STARD4: variants seen among roughly 807,000 people sequenced by gnomAD.
The protein encoded by STARD4 is stAR-related lipid transfer protein 4.
Under a neutral mutation model 24.9 loss-of-function variants are expected in STARD4, and 33 were observed. The ratio of observed to expected loss-of-function variants is 1.32; its 90% CI spans 1.00 to 1.77. The LOEUF (loss-of-function observed/expected upper bound fraction) is 1.77. Among genes scored for constraint, STARD4 ranks in the 40% most tolerant of loss-of-function variants. STARD4 has a pLI of 0.00. For synonymous variants in STARD4, 88 were observed against 77.4 expected (o/e 1.14, Z -0.72); for missense variants, 238 against 249.3 (o/e 0.95, Z 0.31).
chr5:111,503,928 C>G (rs1756654419), intron 3 of STARD4, among the ~76,000 whole-genome samples: 1 of 151,866 alleles, frequency 6.6e-6, no homozygotes, highest in Non-Finnish European at 1.5e-5. Flanking sequence ...AAAGAAAATC[C>G]AAAGAAAAGA....
rs1756206115 is a variant in STARD4 at position 111,498,308 on chromosome 5, AAG to A, written c.*1576_*1577del. ...TTGGAGGTATATGTTGATAAGGACAAAGAGAGCACTAGAGTAGAGATAGTGGG... is the reference window on the plus strand; with the variant it reads ...TTGGAGGTATATGTTGATAAGGACAAAGAGCACTAGAGTAGAGATAGTGGG... On this transcript the variant is annotated 3_prime_UTR_variant, in exon 6 of 6. Transcript: ENST00000296632. 1 of 151,978 alleles carries A rather than the reference AAG, an allele frequency of 6.6e-6. No individual in the cohort carries two copies. Among genetic ancestry groups the A allele is most frequent in the African/African-American group, 2.4e-5 (1 of 41,410 alleles). The allele number at this position is 151,978 out of a possible 1,614,324, so 9.4% of individuals were successfully genotyped here.
intron 3 of STARD4, 118 bp from the exon 4 acceptor site, chr5:111,502,206 T>A: frequency 1.7e-6 from 2 of 1,193,372 alleles, no homozygotes; most frequent in Non-Finnish European, 2.3e-6. Flanking sequence ...GGGTGGCTCA[T>A]GTCTGTAATC....
In STARD4 at chr5:111,507,201, A is replaced by G; in HGVS notation, c.105+128T>C. On this transcript the variant is annotated intron_variant, in intron 2 of 5. Transcript: ENST00000296632. This position sits in a 1 kb window ranked among gnomAD's most constrained non-coding sequence, Gnocchi z 4.4. ...TTAGACTATCAACTTTATTAGCTCAATTATTTTTCTTGCATATCCATCCAA... is the reference window on the plus strand; with the variant it reads ...TTAGACTATCAACTTTATTAGCTCAGTTATTTTTCTTGCATATCCATCCAA... The G allele has an allele frequency of 1.4e-6, 1 of 709,706 alleles. No homozygotes were observed. Among genetic ancestry groups the G allele is most frequent in the South Asian group, 2.0e-5 (1 of 50,448 alleles). 44.0% of individuals were successfully genotyped at this position (709,706 alleles called of 1,614,324 possible). A position where few individuals can be genotyped will look rare whatever the true frequency, so the allele number is the denominator to read the frequency against.
intron 3 of STARD4, among the ~76,000 whole-genome samples, chr5:111,503,840 G>A (rs1335358982): frequency 2.6e-5 from 4 of 152,012 alleles, no homozygotes; most frequent in African/African-American, 4.8e-5. Context: ...GCCACACACT[G>A]GGAGAAGGTA....
Position 111,498,015 on chromosome 5 carries a change from A to G in STARD4, c.*1871T>C, listed in dbSNP as rs1246298227. On this transcript the variant is annotated 3_prime_UTR_variant, in exon 6 of 6. Coordinates refer to ENST00000296632, the MANE Select transcript of STARD4 (RefSeq NM_139164.3). ...TGTGCTGATGGCTGCATAGTTCTAC[A>G]TATGTATTAAAACATCACTGAATTA... is the stretch of plus-strand genomic sequence containing the variant. 1 of 152,084 alleles carries G rather than the reference A, an allele frequency of 6.6e-6. No individual in the cohort carries two copies. The highest frequency in any genetic ancestry group is 2.1e-4 in the South Asian group (1 of 4,832). 9.4% of individuals were successfully genotyped at this position (152,084 alleles called of 1,614,324 possible).
chr5:111,505,159 T>G, intron 3 of STARD4: 1 of 386,670 alleles, frequency 2.6e-6, no homozygotes, highest in Non-Finnish European at 5.1e-6. Context: ...TTCCCTTAAG[T>G]GTTAGCTCAA....
At chr5:111,509,360 A>C (rs375694754) in intron 1 of STARD4, among the ~76,000 whole-genome samples, 116 of 152,230 alleles carry the variant, frequency 7.6e-4, no homozygotes, top group African/African-American at 2.6e-3. Context: ...TCACTGGGCA[A>C]ATCCAGTGCA....
chr5:111,509,808 A>T (rs994017668), intron 1 of STARD4, among the ~76,000 whole-genome samples: 1 of 152,166 alleles, frequency 6.6e-6, no homozygotes, highest in African/African-American at 2.4e-5. Flanking sequence ...ATTTACGCCA[A>T]TCCTAGAGCT....
chr5:111,506,643 T>G (rs1166961264), intron 2 of STARD4, among the ~76,000 whole-genome samples: 1 of 152,210 alleles, frequency 6.6e-6, no homozygotes, highest in East Asian at 1.9e-4. Context: ...CACTGTAAGA[T>G]TCAATGATGG....
At chr5:111,503,477 A>G (rs1018062606) in intron 3 of STARD4, among the ~76,000 whole-genome samples, 3 of 152,118 alleles carry the variant, frequency 2.0e-5, no homozygotes, top group Non-Finnish European at 4.4e-5. Context: ...AAAAATACAA[A>G]AATTAGCTGG....
intron 1 of STARD4, among the ~76,000 whole-genome samples, chr5:111,509,472 T>C (rs1757091746): frequency 6.6e-6 from 1 of 152,122 alleles, no homozygotes; most frequent in African/African-American, 2.4e-5. Flanking sequence ...AAGTTCAAGC[T>C]CCTTACTATA....
chr5:111,511,493 A>G lies in STARD4; in HGVS notation c.-10+892T>C, dbSNP rs149559771. Among the ~76,000 whole-genome samples the G allele has an allele frequency of 2.0e-4, 31 of 152,356 alleles. No individual in the cohort carries two copies. In the East Asian group the frequency reaches 4.6e-3, roughly 23 times the overall value. On this transcript the variant is annotated intron_variant, in intron 1 of 5. Coordinates refer to ENST00000296632, the MANE Select transcript of STARD4 (RefSeq NM_139164.3). ...TATTCAGAAGCTCTAGGATTGGTGT[A>G]AATGGGCATACTTTAGATATCTTGA...
rs1289383971 is a variant in STARD4 at position 111,507,779 on chromosome 5, C to G, written c.-9-337G>C. Among the ~76,000 whole-genome samples the G allele has an allele frequency of 6.6e-6, 1 of 152,094 alleles. No homozygotes were observed. Among genetic ancestry groups the G allele is most frequent in the African/African-American group, 2.4e-5 (1 of 41,422 alleles). ...CTGTTAACTCTCAAACATTTACCTC[C>G]AGTCCTCTTTGTTTCAATGAGCTCA... On this transcript the variant is annotated intron_variant, in intron 1 of 5. Coordinates refer to ENST00000296632, the MANE Select transcript of STARD4 (RefSeq NM_139164.3). This position sits in a 1 kb window ranked among gnomAD's most constrained non-coding sequence, Gnocchi z 4.4.
In STARD4 at chr5:111,500,126, A is replaced by T; in HGVS notation, c.398-20T>A. On this transcript the variant is annotated intron_variant, in intron 5 of 5. Coordinates refer to ENST00000296632, the MANE Select transcript of STARD4 (RefSeq NM_139164.3). Reference sequence around the variant, plus strand: ...TTATTCCTATAAGGCAATTTTTAAAATAGCACTATTAATAGCAATAACTGA... The same window carrying T: ...TTATTCCTATAAGGCAATTTTTAAATTAGCACTATTAATAGCAATAACTGA... The T allele has an allele frequency of 6.3e-7, 1 of 1,581,088 alleles. No individual in the cohort carries two copies. Among genetic ancestry groups the T allele is most frequent in the Non-Finnish European group, 8.6e-7 (1 of 1,160,274 alleles).
At chr5:111,506,445 AT>A in intron 2 of STARD4, 66 bp from the exon 3 acceptor site, 1 of 693,850 alleles carries the variant, frequency 1.4e-6, no homozygotes, top group South Asian at 2.4e-5. Flanking sequence ...AAAACTGATA[AT>A]TTTATAAGTC....
In STARD4 at chr5:111,496,076, T is replaced by G. The variant is rs1362507254; in HGVS notation, c.*3810A>C. 1 of 151,914 alleles carries G rather than the reference T, an allele frequency of 6.6e-6. No homozygotes were observed. The highest frequency in any genetic ancestry group is 1.5e-5 in the Non-Finnish European group (1 of 67,950). 9.4% of individuals were successfully genotyped at this position (151,914 alleles called of 1,614,324 possible). ...ATTTTTATTTTGTTTCATACCAATT[T>G]AAAAATAAATACATATTTTATTGAT... On this transcript the variant is annotated 3_prime_UTR_variant, in exon 6 of 6. Coordinates refer to ENST00000296632, the MANE Select transcript of STARD4 (RefSeq NM_139164.3).
intron 3 of STARD4, chr5:111,504,936 A>C (rs866155254): frequency 9.6e-5 from 42 of 436,524 alleles, no homozygotes; most frequent in South Asian, 7.0e-4. Flanking sequence ...AATCTTTCAC[A>C]TGCATTTGCC....
intron 1 of STARD4, among the ~76,000 whole-genome samples, chr5:111,508,085 G>A (rs1219209391): frequency 4.0e-5 from 6 of 151,856 alleles, no homozygotes; most frequent in African/African-American, 9.7e-5. Flanking sequence ...TCTTTGATAC[G>A]GCTAGATCCC....
Position 111,497,242 on chromosome 5 carries a change from G to T in STARD4, c.*2644C>A, listed in dbSNP as rs1756147879. 6.6e-6 allele frequency: 1 copy of T among 151,924 alleles called. No individual in the cohort carries two copies. The highest frequency in any genetic ancestry group is 2.4e-5 in the African/African-American group (1 of 41,390). The allele number at this position is 151,924 out of a possible 1,614,324, so 9.4% of individuals were successfully genotyped here. A position where few individuals can be genotyped will look rare whatever the true frequency, so the allele number is the denominator to read the frequency against. On this transcript the variant is annotated 3_prime_UTR_variant, in exon 6 of 6. Coordinates refer to ENST00000296632, the MANE Select transcript of STARD4 (RefSeq NM_139164.3). ...TACTTATCTTTGAAGGAAAATATTT[G>T]CTGGCAATAATTTTATCTCATTGAC...
Sources: gnomAD v4.1 joint callset for allele counts (sites outside exome capture counted in the v4.1 genomes callset) on GRCh38, gnomAD v4.1.1 for gene constraint, Gnocchi (gnomAD v3.1) non-coding constraint, MANE v1.5 for transcripts, NCBI Gene and HGNC (gene_info 2026-07-23, HGNC 2026-07-21) for gene names.